The following RMST variants were observed in gnomAD, a reference collection of about 807,000 sequenced individuals.
The protein encoded by RMST is rhabdomyosarcoma 2 associated transcript.
chr12:97,533,909 AC>A (rs945058133), intron 11 of RMST: 3 of 151,874 alleles, frequency 2.0e-5, no homozygotes, highest in African/African-American at 7.2e-5. Flanking sequence ...TATTCTTTTA[AC>A]ATCCTTCTGA....
At chr12:97,522,588 G>A (rs1472077729) in intron 10 of RMST, among the ~76,000 whole-genome samples, 3 of 152,086 alleles carry the variant, frequency 2.0e-5, no homozygotes, top group African/African-American at 4.8e-5. Context: ...GCCCAAGGCC[G>A]TGTTACTTTT....
chr12:97,476,798 A>G (rs916029287), intron 5 of RMST, among the ~76,000 whole-genome samples: 5 of 152,230 alleles, frequency 3.3e-5, no homozygotes, highest in African/African-American at 1.2e-4. Context: ...AGATCTAAAA[A>G]AAGAGATATA....
At chr12:97,512,305 A>T (rs1174567078) in intron 10 of RMST, among the ~76,000 whole-genome samples, 1 of 152,190 alleles carries the variant, frequency 6.6e-6, no homozygotes, top group Admixed American at 6.5e-5. Flanking sequence ...GGGGACCCAA[A>T]GAGTGAGCAG....
At chr12:97,502,656 G>A (rs193144391) in intron 10 of RMST, among the ~76,000 whole-genome samples, 111 of 151,950 alleles carry the variant, frequency 7.3e-4, no homozygotes, top group African/African-American at 2.7e-3. Context: ...ATAGAGATGA[G>A]GTCTCACTAA....
At chr12:97,530,691 A>G (rs1881546611) in exon 11 of RMST, 1 of 152,082 alleles carries the variant, frequency 6.6e-6, no homozygotes, top group African/African-American at 2.4e-5. Flanking sequence ...GGCTAATGTC[A>G]TAATTAACAA....
chr12:97,509,109 T>C (rs534298462), intron 10 of RMST, among the ~76,000 whole-genome samples: 5 of 152,284 alleles, frequency 3.3e-5, no homozygotes, highest in Admixed American at 2.0e-4. Context: ...CAGGAGACCG[T>C]TGTTACTTTG....
At chr12:97,541,731 AAAAAGAAAAAG>A (rs1565936136) in intron 11 of RMST, among the ~76,000 whole-genome samples, 27 of 145,170 alleles carry the variant, frequency 1.9e-4, no homozygotes, top group African/African-American at 6.8e-4. Flanking sequence ...AAAAAAAAAG[AAAAAGAAAAAG>A]AAAAAGAAGA....
At chr12:97,532,364 G>C (rs1181591760) in intron 11 of RMST, among the ~76,000 whole-genome samples, 2 of 151,894 alleles carry the variant, frequency 1.3e-5, no homozygotes, top group Non-Finnish European at 2.9e-5. Context: ...TTCAAAGGTG[G>C]TTAACATTTG....
intron 10 of RMST, among the ~76,000 whole-genome samples, chr12:97,511,349 A>T (rs1879271975): frequency 6.6e-6 from 1 of 152,028 alleles, no homozygotes; most frequent in South Asian, 2.1e-4. Context: ...GGGTTTCACC[A>T]TGTTGGCCAG....
chr12:97,546,391 G>T (rs1017720712), intron 11 of RMST, among the ~76,000 whole-genome samples: 3 of 152,022 alleles, frequency 2.0e-5, no homozygotes, highest in Non-Finnish European at 4.4e-5. Flanking sequence ...AGACCAGCCT[G>T]GCCAACATGG....
chr12:97,525,247 C>T (rs943126049), intron 10 of RMST, among the ~76,000 whole-genome samples: 2 of 152,132 alleles, frequency 1.3e-5, no homozygotes, highest in East Asian at 1.9e-4. Context: ...CAAAAATCAA[C>T]TCAATCAACA....
At chr12:97,505,179 TTTTTC>T (rs1182435581) in intron 10 of RMST, among the ~76,000 whole-genome samples, 1 of 152,208 alleles carries the variant, frequency 6.6e-6, no homozygotes, top group East Asian at 1.9e-4. Context: ...AATATAATGG[TTTTTC>T]TTAAGGCACT....
At chr12:97,480,796 C>T (rs959450689) in intron 5 of RMST, among the ~76,000 whole-genome samples, 4 of 152,148 alleles carry the variant, frequency 2.6e-5, no homozygotes, top group African/African-American at 9.7e-5. Context: ...CTCTAAGTCT[C>T]TTCTCACTCT....
intron 5 of RMST, among the ~76,000 whole-genome samples, chr12:97,486,168 TG>T (rs1876078925): frequency 6.6e-6 from 1 of 152,170 alleles, no homozygotes; most frequent in Non-Finnish European, 1.5e-5. Flanking sequence ...CCATTTACCT[TG>T]GATACAAAAC....
intron 5 of RMST, among the ~76,000 whole-genome samples, chr12:97,474,481 A>G (rs976985604): frequency 6.6e-6 from 1 of 151,996 alleles, no homozygotes; most frequent in African/African-American, 2.4e-5. Context: ...GAAATTCTTC[A>G]ATGGAATTTC....
intron 10 of RMST, among the ~76,000 whole-genome samples, chr12:97,506,849 A>G (rs1358284249): frequency 6.6e-6 from 1 of 151,752 alleles, no homozygotes; most frequent in Non-Finnish European, 1.5e-5. Flanking sequence ...ACTCCCGGCT[A>G]ATTTTTATAT....
intron 11 of RMST, among the ~76,000 whole-genome samples, chr12:97,554,703 G>C (rs2136658560): frequency 6.6e-6 from 1 of 152,224 alleles, no homozygotes; most frequent in Non-Finnish European, 1.5e-5. Context: ...TCTAGCTAAT[G>C]ATCTTGCTCT....
intron 7 of RMST, among the ~76,000 whole-genome samples, chr12:97,493,511 A>G (rs930604947): frequency 3.3e-5 from 5 of 152,108 alleles, no homozygotes; most frequent in Admixed American, 2.0e-4. Flanking sequence ...GGTACTTTTG[A>G]AAAATAAACC....
intron 10 of RMST, among the ~76,000 whole-genome samples, chr12:97,513,541 C>CT: frequency 6.6e-6 from 1 of 152,292 alleles, no homozygotes; most frequent in East Asian, 1.9e-4. Context: ...CATAGAGCTT[C>CT]TATTCTAGTG....
Sources: allele counts gnomAD v4.1 joint callset (sites outside exome capture counted in the v4.1 genomes callset), GRCh38; gene constraint gnomAD v4.1.1; transcripts MANE v1.5; gene names NCBI Gene and HGNC (gene_info 2026-07-23, HGNC 2026-07-21).